Variants in AMOT observed in about 807,000 individuals in gnomAD.
The protein encoded by AMOT is angiomotin.
A neutral mutation model predicts 67.0 loss-of-function variants in AMOT; 11 were observed. The observed-to-expected ratio is 0.16, with a 90% CI of 0.10 to 0.27. The LOEUF is 0.27. Among genes scored for constraint, AMOT ranks in the 10% least tolerant of loss-of-function variants. The probability of loss-of-function intolerance (pLI) is 1.00; values close to 1 mark genes in which losing one functional copy is unlikely to be tolerated. For synonymous variants in AMOT, 326 were observed against 321.4 expected (o/e 1.01, Z -0.15); for missense variants, 753 against 852.0 (o/e 0.88, Z 1.45).
At chrX:112,798,051 A>G (rs1223752345) in intron 8 of AMOT, among the ~76,000 whole-genome samples, 1 of 111,267 alleles carries the variant, frequency 9.0e-6, no homozygotes, top group African/African-American at 3.3e-5. Context: ...TTTCATCCAT[A>G]CCTCAAACTA....
At chrX:112,818,703 G>A (rs1934633532) in intron 4 of AMOT, among the ~76,000 whole-genome samples, 1 of 111,376 alleles carries the variant, frequency 9.0e-6, no homozygotes, top group Non-Finnish European at 1.9e-5. Context: ...GTTGGAGGGG[G>A]CGGATGTCAG....
chrX:112,838,671 T>C (rs1935196482), intron 1 of AMOT, among the ~76,000 whole-genome samples: 1 of 112,757 alleles, frequency 8.9e-6, no homozygotes, highest in Non-Finnish European at 1.9e-5. Context: ...CTATGAATTA[T>C]TAAAATTCCC....
intron 7 of AMOT, among the ~76,000 whole-genome samples, chrX:112,807,106 G>A (rs761815321): frequency 9.0e-6 from 1 of 110,967 alleles, no homozygotes; most frequent in Admixed American, 9.6e-5. Flanking sequence ...ACCGACCCAC[G>A]GGAAAGGAAA....
chrX:112,815,695 G>A lies in AMOT; in HGVS notation c.1055C>T (p.Pro352Leu), dbSNP rs754415153. 2.7e-5 allele frequency: 32 copies of A among 1,167,089 alleles called. No homozygotes were observed. The highest frequency in any genetic ancestry group is 5.2e-5 in the Admixed American group (2 of 38,442). ...QGDHSAHLPR[P>L]QQHFLPNQAH... The stretch of plus-strand genomic sequence containing the variant: ...CTGATTAGGAAGGAAATGCTGCTGC[G>A]GCCTAGGCAGGTGAGCTGAATGGTC... Residue 352 changes from proline to leucine, a missense_variant, in exon 5 of 14, where the codon CCG (proline) becomes CTG (leucine). Pro to Leu is a moderately conservative substitution (Grantham distance 98). Coordinates refer to ENST00000371959, the MANE Select transcript of AMOT (RefSeq NM_001113490.2).
intron 8 of AMOT, among the ~76,000 whole-genome samples, chrX:112,804,702 G>A (rs1474394410): frequency 9.0e-6 from 1 of 111,444 alleles, no homozygotes; most frequent in African/African-American, 3.3e-5. Flanking sequence ...TTATATGAAT[G>A]AACAAATGGA....
At chrX:112,801,430 G>C (rs1166209240) in intron 8 of AMOT, among the ~76,000 whole-genome samples, 1 of 111,339 alleles carries the variant, frequency 9.0e-6, no homozygotes, top group African/African-American at 3.3e-5. Context: ...TCAAGGCCTG[G>C]ATCAGAGTGA....
At chrX:112,821,426 T>C (rs1417979989) in intron 4 of AMOT, among the ~76,000 whole-genome samples, 1 of 111,514 alleles carries the variant, frequency 9.0e-6, no homozygotes, top group Non-Finnish European at 1.9e-5. Context: ...ACAGGAACAA[T>C]GAACAGAATC....
intron 2 of AMOT, among the ~76,000 whole-genome samples, chrX:112,827,287 TG>T (rs1237363540): frequency 1.7e-4 from 19 of 112,827 alleles, no homozygotes; most frequent in African/African-American, 6.1e-4. Context: ...AAAAAAGCTT[TG>T]CAGAGTCCTC....
At chrX:112,789,295 C>A (rs1569393530) in intron 10 of AMOT, among the ~76,000 whole-genome samples, 1 of 111,736 alleles carries the variant, frequency 8.9e-6, no homozygotes, top group Non-Finnish European at 1.9e-5. Flanking sequence ...AACCTGCCTA[C>A]AACCTTCGAG....
At chrX:112,809,722 G>A (rs188460819) in intron 7 of AMOT, among the ~76,000 whole-genome samples, 172 bp downstream of exon 7, 6 of 111,103 alleles carry the variant, frequency 5.4e-5, no homozygotes, top group East Asian at 2.8e-4. Flanking sequence ...TCTTGGCTTA[G>A]GAGGAAAAGA....
chrX:112,823,301 G>C (rs1934761311), intron 3 of AMOT, 113 bp from the exon 4 acceptor site: 1 of 466,354 alleles, frequency 2.1e-6, no homozygotes, highest in African/African-American at 2.5e-5. Flanking sequence ...ACAAAGTAGA[G>C]AATTGACTCT....
At chrX:112,784,225 A>G (rs1933294702) in intron 10 of AMOT, among the ~76,000 whole-genome samples, 1 of 112,217 alleles carries the variant, frequency 8.9e-6, no homozygotes, top group Non-Finnish European at 1.9e-5. Flanking sequence ...CAGCATTTGC[A>G]TAGTGCTTGA....
At chrX:112,780,200 C>T (rs1255633593) in intron 12 of AMOT, among the ~76,000 whole-genome samples, 1 of 111,610 alleles carries the variant, frequency 9.0e-6, no homozygotes, top group Non-Finnish European at 1.9e-5. Context: ...GACCATAGTC[C>T]CCAAAATGCT....
chrX:112,822,964 G>T lies in AMOT; in HGVS notation c.163C>A (p.Pro55Thr). ...CTCAACACATCACTCTGAGGGCCCG[G>T]GTTCCCACTGCCACTGGGGAAAGGA... ...GPPFPSGSGNPGPQSDVLSPQ... is the reference protein window; with the variant it reads ...GPPFPSGSGNTGPQSDVLSPQ... Residue 55 changes from proline to threonine, a missense_variant, in exon 4 of 14, where the codon CCG becomes ACG. Physicochemically the swap from Pro to Thr is conservative, Grantham distance 38. Around this residue, in one of 5 missense-constraint regions of AMOT, gnomAD observed 118 missense variants for 125.9 expected, o/e 0.94. Transcript: ENST00000371959. 8.6e-7 allele frequency: 1 copy of T among 1,167,865 alleles called. No individual in the cohort carries two copies. The highest frequency in any genetic ancestry group is 1.1e-6 in the Non-Finnish European group (1 of 873,097).
At chrX:112,831,873 G>T (rs888907495) in intron 2 of AMOT, among the ~76,000 whole-genome samples, 14 of 110,495 alleles carry the variant, frequency 1.3e-4, no homozygotes, top group African/African-American at 4.6e-4. Flanking sequence ...CTTTGCAAAT[G>T]TGGGAGGGAA....
In AMOT at chrX:112,819,364, G is replaced by A. The variant is rs966359376; in HGVS notation, c.872+2891C>T. 1.2e-5 allele frequency: 9 copies of A among 752,804 alleles called. No homozygotes were observed. The East Asian group carries it at 4.6e-4, about 38-fold the overall frequency. The allele number at this position is 752,804 out of a possible 1,213,427, so 62.0% of individuals were successfully genotyped here. A position where few individuals can be genotyped will look rare whatever the true frequency, so the allele number is the denominator to read the frequency against. ...TTCCCAGGCTCTGCAATGGTGAATC[G>A]GTGAATCTGTGAATCCTGGAGCAGG... On this transcript the variant is annotated intron_variant, in intron 4 of 13. Transcript: ENST00000371959.
rs1319632693 is a variant in AMOT at position 112,776,100 on chromosome X, C to G, written c.*2467G>C. On this transcript the variant is annotated 3_prime_UTR_variant, in exon 14 of 14. Coordinates refer to ENST00000371959, the MANE Select transcript of AMOT (RefSeq NM_001113490.2). ...TGGAAACTGAACAGAGAAGAACTGT[C>G]TCTGGTGTGAGAGGGTTCTGGAAAG... is the stretch of plus-strand genomic sequence containing the variant. The G allele has an allele frequency of 8.9e-6, 1 of 112,178 alleles. No individual in the cohort carries two copies. Among genetic ancestry groups the G allele is most frequent in the South Asian group, 3.7e-4 (1 of 2,700 alleles). The allele number at this position is 112,178 out of a possible 1,213,427, so 9.2% of individuals were successfully genotyped here.
intron 2 of AMOT, among the ~76,000 whole-genome samples, chrX:112,828,572 C>CA (rs1035352269): frequency 9.4e-6 from 1 of 105,993 alleles, no homozygotes; most frequent in Admixed American, 1.0e-4. Context: ...AAAACAAAAA[C>CA]AAAAAAACTT....
At chrX:112,780,151 G>A (rs148149661) in intron 12 of AMOT, among the ~76,000 whole-genome samples, 4 of 112,367 alleles carry the variant, frequency 3.6e-5, no homozygotes, top group Non-Finnish European at 7.5e-5. Context: ...GACACAGATT[G>A]AGTGTGGTAA....
Sources: allele counts gnomAD v4.1 joint callset (sites outside exome capture counted in the v4.1 genomes callset), GRCh38; gene constraint gnomAD v4.1.1; regional missense constraint gnomAD v4.1.1; transcripts MANE v1.5; gene names NCBI Gene and HGNC (gene_info 2026-07-23, HGNC 2026-07-21).